The following TPP2 variants were observed in gnomAD, a reference collection of about 807,000 sequenced individuals.
TPP2 encodes the protein tripeptidyl peptidase 2, also known as tripeptidyl-peptidase 2.
Under a neutral mutation model 155.9 loss-of-function variants are expected in TPP2, and 34 were observed. The ratio of observed to expected loss-of-function variants is 0.22; its 90% CI spans 0.17 to 0.29. The LOEUF (loss-of-function observed/expected upper bound fraction) is 0.29, where lower values mean the gene tolerates loss of function less well. Among genes scored for constraint, TPP2 ranks in the 10% least tolerant of loss-of-function variants. The probability of loss-of-function intolerance (pLI) is 1.00; values close to 1 mark genes in which losing one functional copy is unlikely to be tolerated. For missense variants in TPP2, 1,028 were observed against 1,522.3 expected (o/e 0.68, Z 5.40); for synonymous variants, 510 against 529.4 (o/e 0.96, Z 0.50).
At chr13:102,622,045 T>TA (rs1881206614) in intron 5 of TPP2, among the ~76,000 whole-genome samples, 1 of 152,216 alleles carries the variant, frequency 6.6e-6, no homozygotes, top group African/African-American at 2.4e-5. Flanking sequence ...TAAAAACAAA[T>TA]TTTTAAGAAT....
chr13:102,678,385 T>G lies in TPP2; in HGVS notation c.*69T>G. 16 of 1,402,808 alleles carry G rather than the reference T, an allele frequency of 1.1e-5. No homozygotes were observed. The highest frequency in any genetic ancestry group is 1.5e-5 in the Non-Finnish European group (15 of 1,001,636). The allele number at this position is 1,402,808 out of a possible 1,614,324, so 86.9% of individuals were successfully genotyped here. On this transcript the variant is annotated 3_prime_UTR_variant, in exon 30 of 30. Transcript: ENST00000376052. ...GTGAATGGGTATAAAAACAAATTTG[T>G]GGCATTTTTAGTCTAATGCATGTTT...
chr13:102,619,407 T>C (rs1880987886), intron 5 of TPP2, among the ~76,000 whole-genome samples: 2 of 151,642 alleles, frequency 1.3e-5, no homozygotes, highest in Non-Finnish European at 2.9e-5. Context: ...AATACAGATA[T>C]TTAGCCATAT....
intron 13 of TPP2, among the ~76,000 whole-genome samples, 189 bp from the exon 14 acceptor site, chr13:102,636,893 G>C (rs1427432527): frequency 6.6e-6 from 1 of 152,198 alleles, no homozygotes. Context: ...CTTGGTGAAA[G>C]TATAAATGAA....
intron 29 of TPP2, among the ~76,000 whole-genome samples, chr13:102,677,974 A>G (rs183394351): frequency 6.6e-6 from 1 of 152,274 alleles, no homozygotes; most frequent in Admixed American, 6.5e-5. Context: ...ACACAGGTTA[A>G]TAGGAAAGAG....
intron 2 of TPP2, among the ~76,000 whole-genome samples, chr13:102,611,993 C>T (rs1471749968): frequency 1.3e-5 from 2 of 152,154 alleles, no homozygotes; most frequent in Non-Finnish European, 2.9e-5. Flanking sequence ...GATGCTTCCC[C>T]GACTTCCTTT....
rs1885269705 is a variant in TPP2, at chr13:102,676,148, C to T, written c.3580-148C>T. The T allele has an allele frequency of 4.3e-6, 3 of 697,056 alleles. No individual in the cohort carries two copies. In the East Asian group the frequency reaches 1.1e-4, roughly 26 times the overall value. The allele number at this position is 697,056 out of a possible 1,614,324, so 43.2% of individuals were successfully genotyped here. ...CAGCTCTTTTGAAGACACCAATTTTCTTTTTCAAAGTTTTTAAAAATGTAC... is the reference window on the plus strand; with the variant it reads ...CAGCTCTTTTGAAGACACCAATTTTTTTTTTCAAAGTTTTTAAAAATGTAC... On this transcript the variant is annotated intron_variant, in intron 28 of 29. Transcript: ENST00000376052.
At position 102,622,276 on chromosome 13, in the gene TPP2, A is replaced by G. The variant is rs990870362; in HGVS notation, c.621-601A>G. On this transcript the variant is annotated intron_variant, in intron 5 of 29. Coordinates refer to ENST00000376052, the MANE Select transcript of TPP2 (RefSeq NM_001330588.2). ...TGTTCATTTCATTTATGACTTTTTGAATATTAAGTGTATTTTGTTTTAATC... is the reference window on the plus strand; with the variant it reads ...TGTTCATTTCATTTATGACTTTTTGGATATTAAGTGTATTTTGTTTTAATC... Among the ~76,000 whole-genome samples, 4 of 152,224 alleles carry G rather than the reference A, an allele frequency of 2.6e-5. No individual in the cohort carries two copies. In the East Asian group the frequency reaches 5.8e-4, roughly 22 times the overall value.
At chr13:102,634,915 C>A (rs1375714297) in intron 11 of TPP2, among the ~76,000 whole-genome samples, 1 of 152,208 alleles carries the variant, frequency 6.6e-6, no homozygotes, top group Non-Finnish European at 1.5e-5. Flanking sequence ...GCCTTGCAGA[C>A]TCCTGTACAT....
chr13:102,675,675 A>G (rs191039607), intron 28 of TPP2, among the ~76,000 whole-genome samples: 248 of 152,280 alleles, frequency 1.6e-3, no homozygotes, highest in Non-Finnish European at 1.2e-4. Flanking sequence ...CTATTTTTGC[A>G]ATACTACTAC....
At chr13:102,623,171 CATAAAG>C in intron 6 of TPP2, 131 bp downstream of exon 6, 1 of 981,122 alleles carries the variant, frequency 1.0e-6, no homozygotes, top group Non-Finnish European at 1.5e-6. Flanking sequence ...GGTCCAGAAT[CATAAAG>C]GTGATTTGAT....
rs150219828 is a variant in TPP2, at chr13:102,630,588, C to T, written c.1244+393C>T. Among the ~76,000 whole-genome samples, 113 of 152,220 alleles carry T rather than the reference C, an allele frequency of 7.4e-4. 2 individuals carry two copies. In the East Asian group the frequency reaches 0.018, roughly 24 times the overall value. On this transcript the variant is annotated intron_variant, in intron 10 of 29. Coordinates refer to ENST00000376052, the MANE Select transcript of TPP2 (RefSeq NM_001330588.2). ...TAAAGCATCACAGTCATAGGGCCCA[C>T]GTACCTGTGGCTCATGTCTTTGAAG... is the stretch of plus-strand genomic sequence containing the variant.
At chr13:102,625,260 G>T (rs1881521108) in intron 6 of TPP2, among the ~76,000 whole-genome samples, 1 of 150,574 alleles carries the variant, frequency 6.6e-6, no homozygotes, top group Non-Finnish European at 1.5e-5. Flanking sequence ...CGCCTCCCGG[G>T]TTCATGCCAT....
At chr13:102,627,560 A>G (rs911325571) in intron 7 of TPP2, among the ~76,000 whole-genome samples, 9 of 151,800 alleles carry the variant, frequency 5.9e-5, no homozygotes, top group African/African-American at 2.2e-4. Flanking sequence ...TTAACCTAGG[A>G]AGGACCATTC....
intron 15 of TPP2, among the ~76,000 whole-genome samples, chr13:102,639,711 ATT>A (rs1882629374): frequency 6.6e-6 from 1 of 152,240 alleles, no homozygotes; most frequent in African/African-American, 2.4e-5. Flanking sequence ...ACTGACAAGA[ATT>A]TGTCTCTAGC....
chr13:102,674,212 A>G (rs1193466639), intron 27 of TPP2, 71 bp from the exon 28 acceptor site: 1 of 1,465,822 alleles, frequency 6.8e-7, no homozygotes, highest in Non-Finnish European at 9.2e-7. Context: ...ACATGAATTT[A>G]AATTCAGATA....
rs755071473 is a variant in TPP2 at position 102,643,340 on chromosome 13, A to G, written c.2139A>G (p.Pro713=). The G allele has an allele frequency of 1.2e-6, 2 of 1,612,080 alleles. No homozygotes were observed. The highest frequency in any genetic ancestry group is 1.7e-6 in the Non-Finnish European group (2 of 1,179,346). The change falls in exon 17 of 30, where the codon CCA becomes CCG. Residue 713 remains proline, a synonymous_variant. Coordinates refer to ENST00000376052, the MANE Select transcript of TPP2 (RefSeq NM_001330588.2). ...SHEFYKFCSL[P]EKGTLTEAFP... is the part of the protein sequence containing the mutation. ...AATTCTATAAGTTTTGTTCTCTTCC[A>G]GAGAAAGGAACACTGACTGAAGCTT...
chr13:102,606,355 ATTATATCACTGAT>A (rs558771241), intron 2 of TPP2, among the ~76,000 whole-genome samples: 1 of 152,226 alleles, frequency 6.6e-6, no homozygotes, highest in East Asian at 1.9e-4. Flanking sequence ...TCCTGTATTT[ATTATATCACTGAT>A]TCCATGGGGT....
chr13:102,637,196 G>A lies in TPP2; in HGVS notation c.1793G>A (p.Arg598His), dbSNP rs1231094275. ...AATCAATGTAGACACATAAACATAC[G>A]TGTGGATCCCAGGGGCTTAAGAGAA... ...LMNQCRHINIRVDPRGLREGL... is the reference protein window; with the variant it reads ...LMNQCRHINIHVDPRGLREGL... Residue 598 changes from arginine (R) to histidine (H), a missense_variant, in exon 14 of 30, where the codon CGT (arginine) becomes CAT (histidine). Physicochemically the swap from Arg to His is conservative, Grantham distance 29. Around this residue, in one of 7 missense-constraint regions of TPP2, gnomAD observed 325 missense variants for 463.7 expected, o/e 0.70. Coordinates refer to ENST00000376052, the MANE Select transcript of TPP2 (RefSeq NM_001330588.2). 8.1e-6 allele frequency: 13 copies of A among 1,610,072 alleles called. No individual in the cohort carries two copies. Among genetic ancestry groups the A allele is most frequent in the South Asian group, 2.2e-5 (2 of 89,900 alleles).
chr13:102,649,240 A>G, intron 22 of TPP2, 89 bp downstream of exon 22: 1 of 1,504,614 alleles, frequency 6.6e-7, no homozygotes. Flanking sequence ...CTAAATTTAG[A>G]GGATGTAGTC....
Sources: allele counts gnomAD v4.1 joint callset (sites outside exome capture counted in the v4.1 genomes callset), GRCh38; gene constraint gnomAD v4.1.1; regional missense constraint gnomAD v4.1.1; transcripts MANE v1.5; gene names NCBI Gene and HGNC (gene_info 2026-07-23, HGNC 2026-07-21).